The following CNTN3 variants were observed in gnomAD, a reference collection of about 807,000 sequenced individuals.
CNTN3 encodes contactin 3.
A neutral mutation model predicts 119.1 loss-of-function variants in CNTN3; 60 were observed. The observed-to-expected ratio is 0.50, with a 90% confidence interval of 0.41 to 0.62. CNTN3 has a LOEUF of 0.62. CNTN3 is among the 20% of genes least tolerant of loss of function. The pLI is 0.00. For synonymous variants in CNTN3, 450 were observed against 438.7 expected (o/e 1.03, Z -0.32); for missense variants, 1,101 against 1,242.4 (o/e 0.89, Z 1.71).
At chr3:74,452,214 T>C (rs1233567787) in intron 4 of CNTN3, among the ~76,000 whole-genome samples, 2 of 142,596 alleles carry the variant, frequency 1.4e-5, no homozygotes, top group South Asian at 2.3e-4. Flanking sequence ...GTAGTTCTCC[T>C]TGAAGAGGTC....
intron 20 of CNTN3, among the ~76,000 whole-genome samples, chr3:74,284,525 T>C (rs1267885298): frequency 6.6e-6 from 1 of 152,156 alleles, no homozygotes; most frequent in Non-Finnish European, 1.5e-5. Flanking sequence ...ATAAATTACT[T>C]GGGATACAGA....
chr3:74,546,844 T>C (rs542151219), intron 1 of CNTN3, among the ~76,000 whole-genome samples: 1 of 152,356 alleles, frequency 6.6e-6, no homozygotes, highest in Admixed American at 6.5e-5. Context: ...CTATGAGTTG[T>C]GTCCTTCTAG....
intron 5 of CNTN3, among the ~76,000 whole-genome samples, chr3:74,387,040 G>C (rs1189661516): frequency 6.6e-6 from 1 of 152,172 alleles, no homozygotes; most frequent in African/African-American, 2.4e-5. Context: ...TACTGGCAGT[G>C]GAAAGCGATG....
intron 13 of CNTN3, among the ~76,000 whole-genome samples, chr3:74,319,321 T>C (rs899443060): frequency 2.6e-5 from 4 of 152,222 alleles, no homozygotes; most frequent in Non-Finnish European, 5.9e-5. Context: ...AACAGAGATA[T>C]AGATCAATGG....
intron 1 of CNTN3, among the ~76,000 whole-genome samples, chr3:74,575,545 G>A (rs867685104): frequency 6.0e-5 from 9 of 150,132 alleles, no homozygotes; most frequent in East Asian, 5.9e-4. Flanking sequence ...CCACCGCACC[G>A]AGCTGATTAG....
intron 4 of CNTN3, among the ~76,000 whole-genome samples, chr3:74,447,175 G>A (rs1454935962): frequency 1.3e-5 from 2 of 152,130 alleles, no homozygotes; most frequent in African/African-American, 4.8e-5. Flanking sequence ...CCATACTTAG[G>A]CTTGAACAGT....
At chr3:74,435,012 T>C (rs1041636075) in intron 4 of CNTN3, among the ~76,000 whole-genome samples, 1 of 152,178 alleles carries the variant, frequency 6.6e-6, no homozygotes, top group Non-Finnish European at 1.5e-5. Context: ...TTCCCTGTTG[T>C]TATTCTCTCA....
At chr3:74,507,442 A>C (rs1428487766) in intron 2 of CNTN3, among the ~76,000 whole-genome samples, 1 of 151,424 alleles carries the variant, frequency 6.6e-6, no homozygotes, top group Non-Finnish European at 1.5e-5. Context: ...AAAAGAACTA[A>C]TACGACTTAG....
At chr3:74,308,970 C>A (rs1309451868) in intron 13 of CNTN3, among the ~76,000 whole-genome samples, 2 of 152,088 alleles carry the variant, frequency 1.3e-5, no homozygotes, top group African/African-American at 4.8e-5. Flanking sequence ...AATTTAAATG[C>A]TCACTAAGCT....
chr3:74,364,474 T>A lies in CNTN3; in HGVS notation c.1206A>T (p.Lys402Asn). Residue 402 changes from lysine to asparagine, a missense_variant, in exon 10 of 23, where the codon AAA becomes AAT. Transcript: ENST00000263665. ...AGAGAAAATCAGCCTTACCAACAAC[T>A]TTGAGCTCAGCACTGGAATAAACAA... ...HGLVYSSAEL[K>N]VVASAPDFSK... 6.2e-7 allele frequency: 1 copy of A among 1,611,394 alleles called. No homozygotes were observed. The highest frequency in any genetic ancestry group is 8.5e-7 in the Non-Finnish European group (1 of 1,178,556).
chr3:74,327,387 C>T (rs1458119072), intron 13 of CNTN3, among the ~76,000 whole-genome samples: 1 of 152,038 alleles, frequency 6.6e-6, no homozygotes, highest in Non-Finnish European at 1.5e-5. Flanking sequence ...CTTGGCCTCT[C>T]AAAGTGCTCG....
chr3:74,533,162 G>C (rs1338563303), intron 1 of CNTN3, among the ~76,000 whole-genome samples: 1 of 151,950 alleles, frequency 6.6e-6, no homozygotes, highest in South Asian at 2.1e-4. Context: ...GCCTGTGGTT[G>C]TATTTTCATA....
chr3:74,508,720 T>C (rs1441481646), intron 2 of CNTN3, among the ~76,000 whole-genome samples: 1 of 152,176 alleles, frequency 6.6e-6, no homozygotes, highest in Non-Finnish European at 1.5e-5. Context: ...CTTTTAAAAA[T>C]GCTAGACATA....
chr3:74,439,412 C>T (rs35348320), intron 4 of CNTN3, among the ~76,000 whole-genome samples: 59,275 of 151,652 alleles, frequency 0.39, 11,982 homozygotes, highest in East Asian at 0.57. Context: ...GAGGCTGAGG[C>T]AGGAGAGTCT....
intron 11 of CNTN3, among the ~76,000 whole-genome samples, chr3:74,344,865 GTA>G (rs989970589): frequency 3.0e-5 from 4 of 135,056 alleles, no homozygotes; most frequent in African/African-American, 1.5e-4. Context: ...ATATGTATAC[GTA>G]TACACACACA....
intron 1 of CNTN3, among the ~76,000 whole-genome samples, chr3:74,539,252 A>T (rs6549625): frequency 0.85 from 130,025 of 152,082 alleles, 56,495 homozygotes; most frequent in East Asian, 0.93. Flanking sequence ...CAATTTATTA[A>T]AAGTATTTAG....
At chr3:74,490,648 G>A (rs752051859) in intron 3 of CNTN3, among the ~76,000 whole-genome samples, 20 of 152,238 alleles carry the variant, frequency 1.3e-4, no homozygotes, top group Non-Finnish European at 2.2e-4. Flanking sequence ...TGTTTTGACT[G>A]AAGAATCAAA....
chr3:74,415,853 C>T (rs1193921422), intron 5 of CNTN3, among the ~76,000 whole-genome samples: 1 of 152,150 alleles, frequency 6.6e-6, no homozygotes, highest in Non-Finnish European at 1.5e-5. Context: ...GTTCCAAACT[C>T]TCAAATTCAG....
At chr3:74,333,937 T>C (rs898930621) in intron 13 of CNTN3, among the ~76,000 whole-genome samples, 1 of 152,148 alleles carries the variant, frequency 6.6e-6, no homozygotes, top group South Asian at 2.1e-4. Flanking sequence ...ACCAAAAGAA[T>C]GAAGCTGTCC....
Sources: allele counts gnomAD v4.1 joint callset (sites outside exome capture counted in the v4.1 genomes callset), GRCh38; gene constraint gnomAD v4.1.1; transcripts MANE v1.5; gene names NCBI Gene and HGNC (gene_info 2026-07-23, HGNC 2026-07-21).